LRRC37A2: variants seen among roughly 807,000 people sequenced by gnomAD.
LRRC37A2 encodes the protein leucine rich repeat containing 37 member A2, also known as leucine-rich repeat-containing protein 37A2.
A neutral mutation model predicts 68.8 loss-of-function variants in LRRC37A2; 9 were observed. The ratio of observed to expected loss-of-function variants is 0.13; its 90% CI spans 0.08 to 0.23. The LOEUF (loss-of-function observed/expected upper bound fraction) is 0.23, where lower values mean the gene tolerates loss of function less well. LRRC37A2 is among the 10% of genes least tolerant of loss of function. The pLI is 1.00. For synonymous variants in LRRC37A2, 63 were observed against 367.6 expected (o/e 0.17, Z 9.48); for missense variants, 168 against 950.4 (o/e 0.18, Z 10.82).
chr17:46,418,234 TGC>T, the LRRC37A2 span, among the ~76,000 whole-genome samples: 2 of 66,844 alleles, frequency 3.0e-5, no homozygotes, highest in African/African-American at 7.0e-5. Flanking sequence ...TGTGTGTGTG[TGC>T]GCGCGCGCGT....
the LRRC37A2 span, among the ~76,000 whole-genome samples, chr17:46,725,712 C>T: frequency 1.3e-5 from 2 of 152,034 alleles, no homozygotes; most frequent in African/African-American, 2.4e-5. Flanking sequence ...GGGTGGGGAT[C>T]GGGTTTACTA....
At chr17:46,877,349 C>A in the LRRC37A2 span, among the ~76,000 whole-genome samples, 1 of 152,236 alleles carries the variant, frequency 6.6e-6, no homozygotes, top group Non-Finnish European at 1.5e-5. Context: ...CGAGTGAGAT[C>A]TGTGCCCTGG....
the LRRC37A2 span, among the ~76,000 whole-genome samples, chr17:46,975,930 G>A: frequency 6.6e-6 from 1 of 151,974 alleles, no homozygotes. Context: ...AGTTGTTGTT[G>A]TTGTTGTTGT....
the LRRC37A2 span, chr17:46,941,409 GC>G: frequency 1.0e-6 from 1 of 982,920 alleles, no homozygotes; most frequent in Non-Finnish European, 1.2e-6. Context: ...ATAACTAATG[GC>G]CCCCTTTTTT....
the LRRC37A2 span, among the ~76,000 whole-genome samples, chr17:46,947,707 A>G: frequency 6.6e-6 from 1 of 152,204 alleles, no homozygotes; most frequent in Non-Finnish European, 1.5e-5. Context: ...TGAGAATAAT[A>G]ATAACTACCT....
At chr17:46,935,819 G>A in the LRRC37A2 span, 5 of 986,120 alleles carry the variant, frequency 5.1e-6, no homozygotes, top group Non-Finnish European at 4.8e-6. Flanking sequence ...AGACTCTGAT[G>A]TCAGTCATGA....
At chr17:46,768,563 G>T in the LRRC37A2 span, 1 of 1,614,098 alleles carries the variant, frequency 6.2e-7, no homozygotes, top group Non-Finnish European at 8.5e-7. This position sits in a 1 kb window ranked among gnomAD's most constrained non-coding sequence, Gnocchi z 5.0. Context: ...TCTCGTAGTA[G>T]ACCAGGTCCC....
At chr17:46,955,588 T>C in the LRRC37A2 span, 1 of 152,288 alleles carries the variant, frequency 6.6e-6, no homozygotes, top group East Asian at 1.9e-4. Context: ...GAAAAACTCA[T>C]TAATTCCCTA....
the LRRC37A2 span, among the ~76,000 whole-genome samples, chr17:46,905,816 G>T: frequency 9.5e-5 from 3 of 31,730 alleles, no homozygotes; most frequent in Admixed American, 2.9e-4. Context: ...GTGTGTGTGC[G>T]TTTGTTGGGG....
the LRRC37A2 span, chr17:46,941,040 T>TG: frequency 9.2e-7 from 1 of 1,088,732 alleles, no homozygotes; most frequent in Non-Finnish European, 1.1e-6. Flanking sequence ...GTCGAGCTGA[T>TG]GCAAGAAACT....
At chr17:46,992,317 G>A in the LRRC37A2 span, among the ~76,000 whole-genome samples, 2 of 152,124 alleles carry the variant, frequency 1.3e-5, no homozygotes, top group South Asian at 2.1e-4. Flanking sequence ...GCAGTGAGCC[G>A]AGACTGTGCC....
At chr17:46,966,685 CT>C in the LRRC37A2 span, 1 of 526,496 alleles carries the variant, frequency 1.9e-6, no homozygotes, top group Non-Finnish European at 3.4e-6. Context: ...GATTTGAACT[CT>C]GGTTCTATCA....
the LRRC37A2 span, chr17:47,017,157 G>T: frequency 7.5e-6 from 12 of 1,607,514 alleles, no homozygotes; most frequent in Admixed American, 5.1e-5. Flanking sequence ...CGGGACTCAC[G>T]CTTACAAGGG....
At chr17:46,900,196 TATATATAC>T in the LRRC37A2 span, among the ~76,000 whole-genome samples, 178 of 105,546 alleles carry the variant, frequency 1.7e-3, no homozygotes, top group Middle Eastern at 5.2e-3. Context: ...TATATATATA[TATATATAC>T]ACACACACAC....
chr17:46,865,372 C>G, the LRRC37A2 span, among the ~76,000 whole-genome samples: 1 of 152,126 alleles, frequency 6.6e-6, no homozygotes, highest in Admixed American at 6.6e-5. Context: ...AGAGACAAAG[C>G]CTACAGCTGG....
At chr17:46,818,477 C>G in the LRRC37A2 span, 1 of 1,572,424 alleles carries the variant, frequency 6.4e-7, no homozygotes, top group Non-Finnish European at 8.6e-7. Context: ...CCGGACGCGG[C>G]GGAGAAACCG....
the LRRC37A2 span, among the ~76,000 whole-genome samples, chr17:46,835,298 G>A: frequency 7.9e-5 from 12 of 151,900 alleles, no homozygotes; most frequent in African/African-American, 1.9e-4. Context: ...TGCAAGCTCC[G>A]CCTCCCGGGT....
At chr17:46,875,060 C>T in the LRRC37A2 span, 46 of 1,613,194 alleles carry the variant, frequency 2.9e-5, no homozygotes, top group Admixed American at 3.3e-5. Context: ...TCCTCTCTTC[C>T]CCCTTTCCTC....
the LRRC37A2 span, among the ~76,000 whole-genome samples, chr17:46,409,359 C>T: frequency 4.8e-5 from 7 of 145,810 alleles, no homozygotes; most frequent in Non-Finnish European, 7.6e-5. Context: ...TGCAGTGGCA[C>T]GATCATGGCT....
Sources: allele counts gnomAD v4.1 joint callset (sites outside exome capture counted in the v4.1 genomes callset), GRCh38; gene constraint gnomAD v4.1.1; non-coding constraint Gnocchi (gnomAD v3.1); transcripts MANE v1.5; gene names NCBI Gene and HGNC (gene_info 2026-07-23, HGNC 2026-07-21).